Variants in DST observed in about 807,000 individuals in gnomAD.
DST encodes the protein dystonin, also known as bullous pemphigoid antigen.
DST carries 253 observed loss-of-function variants against 875.2 expected under a neutral mutation model. The ratio of observed to expected loss-of-function variants is 0.29; its 90% CI spans 0.26 to 0.32. The LOEUF (loss-of-function observed/expected upper bound fraction) is 0.32, where lower values mean the gene tolerates loss of function less well. Ranked by LOEUF, DST falls within the 10% of genes least tolerant of loss-of-function variation. The pLI is 1.00. For synonymous variants in DST, 3,124 were observed against 3,197.1 expected (o/e 0.98, Z 0.77); for missense variants, 8,287 against 9,111.6 (o/e 0.91, Z 3.68).
Position 56,616,564 on chromosome 6 carries a change from C to CAG in DST, c.4930-2082_4930-2081dup, listed in dbSNP as rs2098625037. On this transcript the variant is annotated intron_variant, in intron 36 of 103. Transcript: ENST00000680361. ...ACATTCGCAGTAATTCTGAGTAATA[C>CAG]AGAGCTTGCTTGTTATTGGGATTAG... 5 of 1,614,024 alleles carry CAG rather than the reference C, an allele frequency of 3.1e-6. No individual in the cohort carries two copies. In the African/African-American group the frequency reaches 6.7e-5, roughly 22 times the overall value.
intron 13 of DST, among the ~76,000 whole-genome samples, chr6:56,647,790 A>G (rs2098952338): frequency 6.6e-6 from 1 of 150,802 alleles, no homozygotes; most frequent in Admixed American, 6.6e-5. Context: ...GGTTCAAGCG[A>G]TTCTCCTGCC....
Position 56,482,145 on chromosome 6 carries a change from A to T in DST, c.21436T>A (p.Leu7146Met), listed in dbSNP as rs762777076. The change falls in exon 90 of 104, where the codon TTG becomes ATG. Residue 7146 changes from leucine (L) to methionine (M), a missense_variant. Physicochemically the swap from Leu to Met is conservative, Grantham distance 15. This residue lies in a region of DST where 1,292 missense variants were observed against 1,552.7 expected (regional missense o/e 0.83). Coordinates refer to ENST00000680361, the MANE Select transcript of DST (RefSeq NM_001374736.1). ...TGCTCCGCCTCAGCCAGCCACTCCA[A>T]GAGGGCATGTACCACCGAGTGGAAT... The part of the protein sequence containing the change: ...EEFHSVVHAL[L>M]EWLAEAEQTL... The T allele has an allele frequency of 6.2e-7, 1 of 1,613,756 alleles. No individual in the cohort carries two copies. The highest frequency in any genetic ancestry group is 8.5e-7 in the Non-Finnish European group (1 of 1,179,790).
intron 4 of DST, among the ~76,000 whole-genome samples, chr6:56,848,812 A>T (rs1218334846): frequency 6.6e-6 from 1 of 152,124 alleles, no homozygotes. Context: ...AGGTGGGTGG[A>T]TCACTTGAGG....
At chr6:56,670,081 G>A (rs1299233314) in intron 10 of DST, among the ~76,000 whole-genome samples, 2 of 151,796 alleles carry the variant, frequency 1.3e-5, no homozygotes, top group Non-Finnish European at 2.9e-5. Context: ...TATCTGCGAA[G>A]TTACTGACAA....
chr6:56,461,123 T>C (rs184608667), intron 102 of DST: 15 of 152,192 alleles, frequency 9.9e-5, no homozygotes, highest in Non-Finnish European at 7.3e-5. Context: ...ACAAATTACA[T>C]GTATATTTTT....
chr6:56,517,909 C>T (rs1214002402), intron 69 of DST, among the ~76,000 whole-genome samples: 1 of 152,078 alleles, frequency 6.6e-6, no homozygotes, highest in African/African-American at 2.4e-5. Flanking sequence ...TAATAATTTG[C>T]ACCTTAGGAG....
At chr6:56,678,709 C>T (rs1270280916) in intron 9 of DST, among the ~76,000 whole-genome samples, 1 of 152,132 alleles carries the variant, frequency 6.6e-6, no homozygotes, top group Non-Finnish European at 1.5e-5. Flanking sequence ...CACAGATTTA[C>T]AAAGACAAAA....
chr6:56,498,510 T>C (rs1044813804), intron 80 of DST, among the ~76,000 whole-genome samples: 1 of 152,162 alleles, frequency 6.6e-6, no homozygotes, highest in Non-Finnish European at 1.5e-5. Flanking sequence ...TGCTAGTTAT[T>C]CCCACTGGAA....
chr6:56,630,270 A>G lies in DST; in HGVS notation c.4256T>C (p.Ile1419Thr), dbSNP rs1311975374. The change falls in exon 31 of 104, where the codon ATT (isoleucine) becomes ACT (threonine). Residue 1419 changes from isoleucine to threonine, a missense_variant. Physicochemically the swap from Ile to Thr is moderately conservative, Grantham distance 89. Around this residue, in one of 10 missense-constraint regions of DST, gnomAD observed 3,138 missense variants for 3,116.6 expected, o/e 1.01. Coordinates refer to ENST00000680361, the MANE Select transcript of DST (RefSeq NM_001374736.1). ...EEAVIADKNN[I>T]ENLISTLKQW... ...CTTTAAAGTACTTATTAGATTCTCA[A>G]TATTATTCTTGTCAGCTATAACTGC... is the stretch of plus-strand genomic sequence containing the variant. The G allele has an allele frequency of 6.2e-7, 1 of 1,603,114 alleles. No individual in the cohort carries two copies. The highest frequency in any genetic ancestry group is 1.7e-5 in the Admixed American group (1 of 60,006).
At chr6:56,640,790 T>C (rs2098888977) in intron 17 of DST, among the ~76,000 whole-genome samples, 185 bp from the exon 18 acceptor site, 2 of 152,138 alleles carry the variant, frequency 1.3e-5, no homozygotes, top group Non-Finnish European at 2.9e-5. Flanking sequence ...TAAGGGAGCA[T>C]ATGGGAACTC....
intron 5 of DST, among the ~76,000 whole-genome samples, chr6:56,730,136 C>T (rs1485119181): frequency 6.6e-6 from 1 of 152,058 alleles, no homozygotes; most frequent in Non-Finnish European, 1.5e-5. Context: ...TATATTTCCA[C>T]CATAAATTGC....
intron 4 of DST, among the ~76,000 whole-genome samples, chr6:56,829,103 G>GA (rs961071919): frequency 3.3e-5 from 5 of 152,222 alleles, no homozygotes; most frequent in East Asian, 1.9e-4. Context: ...AAAGTACTAT[G>GA]AAAAAAATCT....
chr6:56,678,415 T>C (rs953033574), intron 9 of DST, among the ~76,000 whole-genome samples: 34 of 152,348 alleles, frequency 2.2e-4, no homozygotes, highest in African/African-American at 7.7e-4. Flanking sequence ...CATGCCCAAT[T>C]TTCTTCCTAT....
At chr6:56,952,822 A>T (rs1319258026) in intron 2 of DST, among the ~76,000 whole-genome samples, 1 of 152,196 alleles carries the variant, frequency 6.6e-6, no homozygotes, top group Non-Finnish European at 1.5e-5. Context: ...CCTCTCAAGA[A>T]TCCTAAACTG....
At chr6:56,853,451 T>C (rs1390014283) in intron 3 of DST, among the ~76,000 whole-genome samples, 1 of 152,148 alleles carries the variant, frequency 6.6e-6, no homozygotes, top group Non-Finnish European at 1.5e-5. Flanking sequence ...CTTAAAGACT[T>C]TTAAGAGGGT....
In DST at chr6:56,634,508, A is replaced by C. The variant is rs553664915; in HGVS notation, c.3448T>G (p.Phe1150Val). Residue 1150 changes from phenylalanine (F) to valine (V), a missense_variant, in exon 26 of 104, where the codon TTC becomes GTC. Physicochemically the swap from Phe to Val is conservative, Grantham distance 50 (BLOSUM62 -1). Around this residue, in one of 10 missense-constraint regions of DST, gnomAD observed 1,160 missense variants for 1,424.3 expected, o/e 0.81. Transcript: ENST00000680361. ...GNEAMVPSVC[F>V]TVPPPNKEAV... ...TCTTTGTTTGGTGGAGGAACGGTGA[A>C]GCACACAGATGGGACCATAGCCTCA... The C allele has an allele frequency of 6.2e-7, 1 of 1,614,218 alleles. No homozygotes were observed. Among genetic ancestry groups the C allele is most frequent in the East Asian group, 2.2e-5 (1 of 44,888 alleles).
intron 4 of DST, among the ~76,000 whole-genome samples, chr6:56,736,888 C>T (rs2099526796): frequency 6.6e-6 from 1 of 152,224 alleles, no homozygotes; most frequent in South Asian, 2.1e-4. Context: ...AAGTAATGCC[C>T]AAGGGTCAGG....
Position 56,851,425 on chromosome 6 carries a change from A to C in DST, c.597T>G (p.Pro199=). 6.2e-7 allele frequency: 1 copy of C among 1,613,470 alleles called. No individual in the cohort carries two copies. Among genetic ancestry groups the C allele is most frequent in the Non-Finnish European group, 8.5e-7 (1 of 1,179,828 alleles). Reference sequence around the variant, plus strand: ...CTATCCGAAGCACTGCCCTCTCGGCAGGGTCCAGCACTGAGCCCCCTTGAA... The same window carrying C: ...CTATCCGAAGCACTGCCCTCTCGGCCGGGTCCAGCACTGAGCCCCCTTGAA... ...RKIQGGSVLD[P]AERAVLRIAD... Residue 199 remains proline (P), a synonymous_variant, in exon 4 of 104, where the codon CCT becomes CCG. Transcript: ENST00000680361.
intron 37 of DST, 29 bp from the exon 38 acceptor site, chr6:56,611,625 T>C: frequency 6.9e-7 from 1 of 1,458,364 alleles, no homozygotes; most frequent in Non-Finnish European, 9.6e-7. Flanking sequence ...ACATTCAAAC[T>C]CTTCCTCCAA....
Sources: allele counts gnomAD v4.1 joint callset (sites outside exome capture counted in the v4.1 genomes callset), GRCh38; gene constraint gnomAD v4.1.1; regional missense constraint gnomAD v4.1.1; transcripts MANE v1.5; gene names NCBI Gene and HGNC (gene_info 2026-07-23, HGNC 2026-07-21).